SRP68: variants seen among roughly 807,000 people sequenced by gnomAD.
SRP68 encodes signal recognition particle 68.
Under a neutral mutation model 82.2 loss-of-function variants are expected in SRP68, and 15 were observed. The ratio of observed to expected loss-of-function variants is 0.18; its 90% CI spans 0.12 to 0.28. SRP68 has a LOEUF of 0.28. SRP68 is among the 10% of genes least tolerant of loss of function. The pLI, the probability that SRP68 is intolerant of heterozygous loss-of-function variation, is 1.00. For synonymous variants in SRP68, 261 were observed against 292.6 expected (o/e 0.89, Z 1.10); for missense variants, 595 against 780.5 (o/e 0.76, Z 2.83).
At chr17:76,066,191 CTG>C (rs888449058) in intron 3 of SRP68, among the ~76,000 whole-genome samples, 16 of 152,150 alleles carry the variant, frequency 1.1e-4, no homozygotes, top group African/African-American at 3.6e-4. Context: ...TAGCTCACGT[CTG>C]TAATCCCAGC....
chr17:76,062,317 G>GT (rs1473235877), intron 4 of SRP68, among the ~76,000 whole-genome samples: 6 of 146,518 alleles, frequency 4.1e-5, no homozygotes, highest in African/African-American at 1.3e-4. Context: ...TTAGCCAGGT[G>GT]TGGTGGTGTG....
intron 7 of SRP68, among the ~76,000 whole-genome samples, chr17:76,057,895 A>G (rs2066723773): frequency 6.6e-6 from 1 of 152,094 alleles, no homozygotes; most frequent in Non-Finnish European, 1.5e-5. Context: ...GACTGGTCTC[A>G]AACTCCTGGC....
chr17:76,067,178 G>A lies in SRP68; in HGVS notation c.365+39C>T, dbSNP rs747979923. On this transcript the variant is annotated intron_variant, in intron 3 of 15. Transcript: ENST00000307877. ...ACGTCATTGTTCAATAAATGTATTA[G>A]CAAGAAGTAATTTGCAACTAGCATG... 4 of 1,419,286 alleles carry A rather than the reference G, an allele frequency of 2.8e-6. No homozygotes were observed. In the African/African-American group the frequency reaches 5.7e-5, roughly 20 times the overall value. The allele number at this position is 1,419,286 out of a possible 1,614,324, so 87.9% of individuals were successfully genotyped here.
intron 6 of SRP68, 147 bp downstream of exon 6, chr17:76,060,963 C>T (rs931105364): frequency 3.0e-6 from 2 of 664,272 alleles, no homozygotes; most frequent in Non-Finnish European, 5.3e-6. Context: ...AACAGTTCTG[C>T]TTTTGCCATC....
At chr17:76,050,351 G>A (rs2066662696) in intron 9 of SRP68, 77 bp downstream of exon 9, 7 of 1,021,196 alleles carry the variant, frequency 6.9e-6, no homozygotes, top group Middle Eastern at 2.6e-4. Flanking sequence ...CAGAGCACTG[G>A]GGTCCACCTG....
chr17:76,053,382 T>C, intron 8 of SRP68: 1 of 819,126 alleles, frequency 1.2e-6, no homozygotes, highest in Non-Finnish European at 1.5e-6. Context: ...CCAACACCCT[T>C]CTCAGACAAG....
rs1000929308 is a variant in SRP68, at chr17:76,072,066, C to T, written c.184+242G>A. On this transcript the variant is annotated intron_variant, in intron 1 of 15. Transcript: ENST00000307877. This position sits in a 1 kb window ranked among gnomAD's most constrained non-coding sequence, Gnocchi z 4.5. ...ACTGCGGGGCACCAGGGGAAACCTG[C>T]CTGATATCCCAGTGCCACTGGAAGA... 14 of 696,236 alleles carry T rather than the reference C, an allele frequency of 2.0e-5. No individual in the cohort carries two copies. In the Admixed American group the frequency reaches 3.4e-4, roughly 17 times the overall value. The allele number at this position is 696,236 out of a possible 1,614,324, so 43.1% of individuals were successfully genotyped here.
intron 8 of SRP68, among the ~76,000 whole-genome samples, chr17:76,053,176 G>A (rs913235783): frequency 2.0e-5 from 3 of 150,812 alleles, no homozygotes; most frequent in African/African-American, 7.3e-5. Context: ...AAAGGTGGGA[G>A]GACCAACTGA....
In SRP68 at chr17:76,064,184, C is replaced by T. The variant is rs368717501; in HGVS notation, c.366-13G>A. 28 of 1,612,256 alleles carry T rather than the reference C, an allele frequency of 1.7e-5. No individual in the cohort carries two copies. In the African/African-American group the frequency reaches 3.5e-4, roughly 20 times the overall value. On this transcript the variant is annotated splice_polypyrimidine_tract_variant and intron_variant, in intron 3 of 15. Transcript: ENST00000307877. The stretch of plus-strand genomic sequence containing the variant: ...CAGAAGCAAGTATCTAGACCAGAGA[C>T]AGAAGTGGGGAGACAATAAAGGCCA...
At chr17:76,066,035 G>T (rs897275708) in intron 3 of SRP68, among the ~76,000 whole-genome samples, 4 of 151,858 alleles carry the variant, frequency 2.6e-5, no homozygotes, top group African/African-American at 9.7e-5. Flanking sequence ...AGCGTAATTT[G>T]GCCCGTAACT....
chr17:76,053,560 G>A (rs2066691336), intron 8 of SRP68: 1 of 985,274 alleles, frequency 1.0e-6, no homozygotes, highest in South Asian at 4.7e-5. Flanking sequence ...CTGCATCAAG[G>A]TGCTGAAACC....
chr17:76,050,397 G>C lies in SRP68; in HGVS notation c.1077+31C>G, dbSNP rs200473538. Reference sequence around the variant, plus strand: ...ACAGGCTGACCTGGACCCGCCCAGAGCAAGAACCAGGGCTCGGCTGAGGGT... The same window carrying C: ...ACAGGCTGACCTGGACCCGCCCAGACCAAGAACCAGGGCTCGGCTGAGGGT... On this transcript the variant is annotated intron_variant, in intron 9 of 15. Coordinates refer to ENST00000307877, the MANE Select transcript of SRP68 (RefSeq NM_014230.4). 1.5e-3 allele frequency: 2,363 copies of C among 1,539,876 alleles called. 6 individuals carry two copies. The highest frequency in any genetic ancestry group is 2.0e-3 in the Non-Finnish European group (2,249 of 1,113,004).
At chr17:76,062,503 A>ATATAATATACATTATATAT (rs1555629272) in intron 4 of SRP68, among the ~76,000 whole-genome samples, 7 of 79,624 alleles carry the variant, frequency 8.8e-5, no homozygotes, top group African/African-American at 4.1e-4. Context: ...TATATAATAT[A>ATATAATATACATTATATAT]TATATAATAT....
In SRP68 at chr17:76,044,987, C is replaced by A. The variant is rs554331013; in HGVS notation, c.1394+305G>T. ...GAACTCCCGACCTCAGGTGATCCACCTGCCTCAGCCTCCCAAAGTTCTGGG... is the reference window on the plus strand; with the variant it reads ...GAACTCCCGACCTCAGGTGATCCACATGCCTCAGCCTCCCAAAGTTCTGGG... On this transcript the variant is annotated intron_variant, in intron 12 of 15. Coordinates refer to ENST00000307877, the MANE Select transcript of SRP68 (RefSeq NM_014230.4). 1.0e-3 allele frequency: 227 copies of A among 218,302 alleles called. 3 individuals carry two copies. In the Middle Eastern group the frequency reaches 0.015, roughly 14 times the overall value. 13.5% of individuals were successfully genotyped at this position (218,302 alleles called of 1,614,324 possible). A position where few individuals can be genotyped will look rare whatever the true frequency, so the allele number is the denominator to read the frequency against.
rs1433215776 is a variant in SRP68 at position 76,062,579 on chromosome 17, ATTATATAATATAT to A, written c.562-1018_562-1006del. 6.9e-4 allele frequency among the ~76,000 whole-genome samples: 39 copies of A among 56,306 alleles called. 4 individuals carry two copies. The highest frequency in any genetic ancestry group is 5.6e-3 in the African/African-American group (39 of 7,002). 36.9% of individuals were successfully genotyped at this position (56,306 alleles called of 152,430 possible). A position where few individuals can be genotyped will look rare whatever the true frequency, so the allele number is the denominator to read the frequency against. Reference sequence around the variant, plus strand: ...ATACATTATATATTATATAATATACATTATATAATATATAATATACATTATATATTATATAATA... The same window carrying A: ...ATACATTATATATTATATAATATACAAATATACATTATATATTATATAATA... On this transcript the variant is annotated intron_variant, in intron 4 of 15. Coordinates refer to ENST00000307877, the MANE Select transcript of SRP68 (RefSeq NM_014230.4).
chr17:76,064,668 C>G (rs954151394), intron 3 of SRP68, among the ~76,000 whole-genome samples: 1 of 151,914 alleles, frequency 6.6e-6, no homozygotes, highest in Non-Finnish European at 1.5e-5. Flanking sequence ...TGGTGAAACC[C>G]CATCTCTACT....
chr17:76,040,623 G>A (rs2066582411), intron 14 of SRP68, 149 bp from the exon 15 acceptor site: 2 of 794,496 alleles, frequency 2.5e-6, no homozygotes, highest in South Asian at 3.1e-5. Flanking sequence ...GCTGAGAAGT[G>A]GTGGAGATAA....
At chr17:76,044,068 G>T in intron 12 of SRP68, 110 bp from the exon 13 acceptor site, 1 of 1,285,774 alleles carries the variant, frequency 7.8e-7, no homozygotes, top group Non-Finnish European at 1.0e-6. Flanking sequence ...GTTTCTTAAC[G>T]TGGGATCACC....
chr17:76,056,257 C>G (rs2066713195), intron 8 of SRP68, among the ~76,000 whole-genome samples: 1 of 152,164 alleles, frequency 6.6e-6, no homozygotes, highest in Non-Finnish European at 1.5e-5. Flanking sequence ...AGAATTCCTG[C>G]CCCACTGTCT....
Sources: gnomAD v4.1 joint callset for allele counts (sites outside exome capture counted in the v4.1 genomes callset) on GRCh38, gnomAD v4.1.1 for gene constraint, Gnocchi (gnomAD v3.1) non-coding constraint, MANE v1.5 for transcripts, NCBI Gene and HGNC (gene_info 2026-07-23, HGNC 2026-07-21) for gene names.